Variants in RNGTT observed in about 807,000 individuals in gnomAD.
RNGTT encodes mRNA-capping enzyme.
A neutral mutation model predicts 79.3 loss-of-function variants in RNGTT; 33 were observed. The observed-to-expected ratio is 0.42, with a 90% CI of 0.32 to 0.56. The LOEUF (loss-of-function observed/expected upper bound fraction) is 0.56. RNGTT is among the 20% of genes least tolerant of loss of function. The pLI is 0.17. For synonymous variants in RNGTT, 222 were observed against 235.9 expected (o/e 0.94, Z 0.54); for missense variants, 497 against 739.1 (o/e 0.67, Z 3.80).
At chr6:88,918,592 T>C (rs944877817) in intron 4 of RNGTT, among the ~76,000 whole-genome samples, 4 of 152,066 alleles carry the variant, frequency 2.6e-5, no homozygotes, top group African/African-American at 9.7e-5. Flanking sequence ...ATTAAGTTTC[T>C]GAAAGAAGAA....
chr6:88,797,615 A>T (rs1779640206), intron 12 of RNGTT, among the ~76,000 whole-genome samples: 1 of 152,090 alleles, frequency 6.6e-6, no homozygotes, highest in African/African-American at 2.4e-5. Flanking sequence ...TTAAAGAAAG[A>T]AATATTAATA....
intron 12 of RNGTT, among the ~76,000 whole-genome samples, chr6:88,782,266 CAG>C (rs777069498): frequency 1.3e-5 from 2 of 151,986 alleles, no homozygotes; most frequent in Non-Finnish European, 2.9e-5. Context: ...GATCACAAAA[CAG>C]AGTCATAAAG....
At chr6:88,939,033 T>C (rs1266971735) in intron 2 of RNGTT, among the ~76,000 whole-genome samples, 2 of 152,222 alleles carry the variant, frequency 1.3e-5, no homozygotes, top group Non-Finnish European at 2.9e-5. Flanking sequence ...ACTCTTAATG[T>C]TTTTTGAATT....
At chr6:88,623,428 A>C (rs1772511379) in intron 14 of RNGTT, among the ~76,000 whole-genome samples, 1 of 152,048 alleles carries the variant, frequency 6.6e-6, no homozygotes, top group Admixed American at 6.6e-5. Flanking sequence ...AATGCAGTAA[A>C]TGGCAACTCC....
rs192039820 is a variant in RNGTT, at chr6:88,683,074, A to C, written c.1440-4655T>G. ...ATTGATGAGTTAAGTATCCACCTCA[A>C]GAAATTAGAAAAATGACAGTAACTG... On this transcript the variant is annotated intron_variant, in intron 13 of 15. Transcript: ENST00000369485. Among the ~76,000 whole-genome samples, 292 of 152,282 alleles carry C rather than the reference A, an allele frequency of 1.9e-3. 3 individuals are homozygous for C. Among genetic ancestry groups the C allele is most frequent in the African/African-American group, 6.9e-3 (286 of 41,566 alleles).
At chr6:88,782,018 C>A (rs1270903812) in intron 12 of RNGTT, among the ~76,000 whole-genome samples, 1 of 151,982 alleles carries the variant, frequency 6.6e-6, no homozygotes, top group East Asian at 1.9e-4. Context: ...AGCTTCTCAA[C>A]CTAACAACCA....
At chr6:88,628,805 CACTAGAGG>C (rs1393642605) in intron 14 of RNGTT, among the ~76,000 whole-genome samples, 1 of 152,128 alleles carries the variant, frequency 6.6e-6, no homozygotes, top group Non-Finnish European at 1.5e-5. Context: ...AAATTCAACA[CACTAGAGG>C]AAAAGGAAAA....
At chr6:88,889,472 A>C (rs975855489) in intron 8 of RNGTT, among the ~76,000 whole-genome samples, 6 of 152,296 alleles carry the variant, frequency 3.9e-5, no homozygotes, top group African/African-American at 1.4e-4. Flanking sequence ...TGATACAAAG[A>C]GTATAACTGC....
At chr6:88,961,810 G>A (rs1785635648) in intron 1 of RNGTT, among the ~76,000 whole-genome samples, 1 of 152,180 alleles carries the variant, frequency 6.6e-6, no homozygotes, top group South Asian at 2.1e-4. Context: ...ACTTACACAA[G>A]AGAAATGAAA....
chr6:88,798,930 T>C (rs1779690399), intron 12 of RNGTT, among the ~76,000 whole-genome samples: 2 of 152,184 alleles, frequency 1.3e-5, no homozygotes, highest in African/African-American at 4.8e-5. Context: ...TAATACTTAA[T>C]TCAATACTAG....
At chr6:88,772,299 C>G (rs1441652595) in intron 12 of RNGTT, among the ~76,000 whole-genome samples, 1 of 151,102 alleles carries the variant, frequency 6.6e-6, no homozygotes, top group Non-Finnish European at 1.5e-5. Flanking sequence ...GATGGAAAGA[C>G]ATCATATGTT....
At chr6:88,776,978 G>C (rs2127847071) in intron 12 of RNGTT, among the ~76,000 whole-genome samples, 1 of 152,254 alleles carries the variant, frequency 6.6e-6, no homozygotes, top group South Asian at 2.1e-4. Flanking sequence ...GAGTTTTACA[G>C]TTTCAAGTGT....
intron 8 of RNGTT, among the ~76,000 whole-genome samples, chr6:88,883,463 C>A (rs1782755779): frequency 6.6e-6 from 1 of 152,176 alleles, no homozygotes; most frequent in South Asian, 2.1e-4. Flanking sequence ...ACCCAGTACA[C>A]AGGCAAGGTG....
intron 13 of RNGTT, among the ~76,000 whole-genome samples, chr6:88,756,723 A>C (rs1442748703): frequency 6.6e-6 from 1 of 152,178 alleles, no homozygotes; most frequent in African/African-American, 2.4e-5. Flanking sequence ...TTATAATTAC[A>C]TTCTTAATAG....
chr6:88,871,468 G>C (rs1192494074), intron 8 of RNGTT, among the ~76,000 whole-genome samples: 1 of 151,950 alleles, frequency 6.6e-6, no homozygotes, highest in African/African-American at 2.4e-5. Flanking sequence ...CCTCCTTTAA[G>C]TTTGGGCTAG....
At chr6:88,803,666 C>CAA (rs34399112) in intron 11 of RNGTT, among the ~76,000 whole-genome samples, 21 of 127,324 alleles carry the variant, frequency 1.6e-4, no homozygotes, top group Middle Eastern at 4.4e-3. Flanking sequence ...TCTCTTTTTT[C>CAA]AAAAAAAAAA....
intron 14 of RNGTT, among the ~76,000 whole-genome samples, chr6:88,659,887 T>C (rs1774118285): frequency 6.6e-6 from 1 of 152,132 alleles, no homozygotes; most frequent in South Asian, 2.1e-4. Context: ...GAAATAATCT[T>C]AACAGCTATG....
chr6:88,816,851 T>C (rs1417952523), intron 11 of RNGTT, among the ~76,000 whole-genome samples: 2 of 152,144 alleles, frequency 1.3e-5, no homozygotes, highest in African/African-American at 4.8e-5. Context: ...TGTCATTGTT[T>C]CCTGGAAGTA....
At chr6:88,670,419 T>A (rs1015968985) in intron 14 of RNGTT, among the ~76,000 whole-genome samples, 1 of 152,182 alleles carries the variant, frequency 6.6e-6, no homozygotes, top group African/African-American at 2.4e-5. Context: ...TGAATCACTA[T>A]CGGTCTGTCT....
Sources: allele counts gnomAD v4.1 joint callset (sites outside exome capture counted in the v4.1 genomes callset), GRCh38; gene constraint gnomAD v4.1.1; transcripts MANE v1.5; gene names NCBI Gene and HGNC (gene_info 2026-07-23, HGNC 2026-07-21).